The following IL1RAP variants were observed in gnomAD, a reference collection of about 807,000 sequenced individuals.
The protein encoded by IL1RAP is interleukin-1 receptor accessory protein.
IL1RAP carries 35 observed loss-of-function variants against 60.7 expected under a neutral mutation model. The ratio of observed to expected loss-of-function variants is 0.58; its 90% confidence interval spans 0.44 to 0.76. IL1RAP has a LOEUF of 0.76. IL1RAP is among the 30% of genes least tolerant of loss of function. IL1RAP has a pLI of 0.00. For missense variants in IL1RAP, 572 were observed against 693.9 expected, an observed-to-expected ratio of 0.82 and a Z score of 1.97; for synonymous variants, 268 against 250.9, an observed-to-expected ratio of 1.07 and a Z score of -0.64.
intron 4 of IL1RAP, among the ~76,000 whole-genome samples, chr3:190,607,570 G>T (rs546399947): frequency 1.3e-5 from 2 of 151,954 alleles, no homozygotes; most frequent in Admixed American, 1.3e-4. Flanking sequence ...ATAAATGACA[G>T]ATCAAATTTA....
chr3:190,629,440 CT>C lies in IL1RAP; in HGVS notation c.994del (p.Cys332ValfsTer16). 6.2e-7 allele frequency: 1 copy of C among 1,613,746 alleles called. No homozygotes were observed. The highest frequency in any genetic ancestry group is 8.5e-7 in the Non-Finnish European group (1 of 1,179,814). ...TSEDLKRSYVCHARSAKGEVA... is the reference protein window; with the variant it reads ...TSEDLKRSYVXHARSAKGEVA... ...CTGAGGATCTCAAGCGCAGCTATGT[CT>C]GTCATGCTAGAAGTGCCAAAGGCGA... On this transcript the variant is annotated frameshift_variant, in exon 9 of 12. Coordinates refer to ENST00000447382, the MANE Select transcript of IL1RAP (RefSeq NM_002182.4). LOFTEE classifies it high-confidence loss of function.
Position 190,637,230 on chromosome 3 carries a change from CT to C in IL1RAP, c.1052-7017del, listed in dbSNP as rs1733297145. 5.3e-5 allele frequency among the ~76,000 whole-genome samples: 8 copies of C among 152,240 alleles called. No homozygotes were observed. The South Asian group carries it at 1.7e-3, about 32-fold the overall frequency. ...ATTTGCTTATTTTTTATTTCTGACA[CT>C]ATCCATTCTTGGTAACATTTTAATC... On this transcript the variant is annotated intron_variant, in intron 9 of 11. Transcript: ENST00000447382.
chr3:190,574,993 G>GT (rs3836446), intron 3 of IL1RAP, among the ~76,000 whole-genome samples: 33,038 of 151,590 alleles, frequency 0.22, 3,689 homozygotes, highest in East Asian at 0.34. Flanking sequence ...AGGGAAATGA[G>GT]TTTTTTTTTA....
At chr3:190,546,883 A>T (rs1330884214) in intron 1 of IL1RAP, among the ~76,000 whole-genome samples, 1 of 152,224 alleles carries the variant, frequency 6.6e-6, no homozygotes, top group Non-Finnish European at 1.5e-5. Flanking sequence ...ATCCAGTTAC[A>T]CGAAATAGCT....
chr3:190,515,514 CT>C (rs1462581785), intron 1 of IL1RAP, among the ~76,000 whole-genome samples: 1 of 151,490 alleles, frequency 6.6e-6, no homozygotes, highest in Non-Finnish European at 1.5e-5. Context: ...TTGAGCAACT[CT>C]TTTATAATAA....
At chr3:190,639,393 T>G (rs1733480492) in intron 9 of IL1RAP, among the ~76,000 whole-genome samples, 2 of 152,224 alleles carry the variant, frequency 1.3e-5, no homozygotes, top group Non-Finnish European at 2.9e-5. Context: ...ATTTTCTTTG[T>G]GATGTCTAAT....
chr3:190,589,249 A>C (rs1374870124), intron 3 of IL1RAP, among the ~76,000 whole-genome samples: 3 of 152,154 alleles, frequency 2.0e-5, no homozygotes, highest in Non-Finnish European at 4.4e-5. Flanking sequence ...TCTCTAGGTG[A>C]GTGACCACTA....
At chr3:190,550,816 G>A (rs1724797565) in intron 1 of IL1RAP, among the ~76,000 whole-genome samples, 1 of 152,170 alleles carries the variant, frequency 6.6e-6, no homozygotes, top group Non-Finnish European at 1.5e-5. Flanking sequence ...TAATGACAAA[G>A]GTGTGAGAAG....
At chr3:190,538,123 C>T (rs1406326141) in intron 1 of IL1RAP, among the ~76,000 whole-genome samples, 1 of 152,148 alleles carries the variant, frequency 6.6e-6, no homozygotes, top group African/African-American at 2.4e-5. Flanking sequence ...CATGAACCCT[C>T]CCTACCACTA....
intron 1 of IL1RAP, among the ~76,000 whole-genome samples, chr3:190,519,572 A>G (rs535125576): frequency 1.3e-5 from 2 of 152,028 alleles, no homozygotes; most frequent in East Asian, 3.9e-4. Flanking sequence ...TTGGAAACTC[A>G]TATAACCAGA....
At chr3:190,545,078 G>A (rs148887448) in intron 1 of IL1RAP, among the ~76,000 whole-genome samples, 238 of 152,262 alleles carry the variant, frequency 1.6e-3, no homozygotes, top group African/African-American at 5.5e-3. Context: ...CAGGATTTAC[G>A]TGAATATTTT....
chr3:190,651,238 G>A lies in IL1RAP; in HGVS notation c.*2533G>A, dbSNP rs540115365. The A allele has an allele frequency of 3.1e-6, 3 of 977,096 alleles. No homozygotes were observed. Among genetic ancestry groups the A allele is most frequent in the East Asian group, 2.3e-4 (2 of 8,776 alleles). The allele number at this position is 977,096 out of a possible 1,614,324, so 60.5% of individuals were successfully genotyped here. A position where few individuals can be genotyped will look rare whatever the true frequency, so the allele number is the denominator to read the frequency against. ...TCCATGCCCAGGTTAACAAAGAACT[G>A]TGATATATAGAGTGTCTAATTACAA... On this transcript the variant is annotated 3_prime_UTR_variant, in exon 12 of 12. Coordinates refer to ENST00000447382, the MANE Select transcript of IL1RAP (RefSeq NM_002182.4).
chr3:190,637,773 A>AC (rs1214578471), intron 9 of IL1RAP, among the ~76,000 whole-genome samples: 2 of 151,560 alleles, frequency 1.3e-5, no homozygotes, highest in Non-Finnish European at 2.9e-5. Flanking sequence ...AATCCTTTCT[A>AC]CCCCCACCTT....
intron 9 of IL1RAP, among the ~76,000 whole-genome samples, chr3:190,634,286 A>AT (rs1178679157): frequency 0.059 from 7,977 of 135,120 alleles, 347 homozygotes; most frequent in African/African-American, 0.12. Flanking sequence ...CATGTTAAGA[A>AT]TTTTTTTTTT....
chr3:190,646,713 C>G (rs571560445), intron 11 of IL1RAP, among the ~76,000 whole-genome samples: 15 of 152,136 alleles, frequency 9.9e-5, no homozygotes, highest in Non-Finnish European at 1.8e-4. Context: ...TTTTACTCCT[C>G]TAAAATCCTG....
At chr3:190,601,609 A>G (rs1339441518) in intron 3 of IL1RAP, among the ~76,000 whole-genome samples, 2 of 152,022 alleles carry the variant, frequency 1.3e-5, no homozygotes, top group Non-Finnish European at 2.9e-5. Context: ...ATGACAAGTG[A>G]GTTGTTTTGC....
chr3:190,613,181 A>C (rs1308528412), intron 5 of IL1RAP, among the ~76,000 whole-genome samples: 1 of 82,418 alleles, frequency 1.2e-5, no homozygotes, highest in African/African-American at 3.5e-5. Flanking sequence ...GGGCAAAGCT[A>C]TGTAATGTCT....
At chr3:190,597,987 C>A (rs1030533580) in intron 3 of IL1RAP, among the ~76,000 whole-genome samples, 13 of 152,140 alleles carry the variant, frequency 8.5e-5, no homozygotes, top group Non-Finnish European at 1.6e-4. Context: ...TGTTAAACCC[C>A]AGCAGGCCTT....
intron 3 of IL1RAP, among the ~76,000 whole-genome samples, chr3:190,581,493 A>T (rs972294897): frequency 1.3e-5 from 2 of 152,240 alleles, no homozygotes; most frequent in African/African-American, 4.8e-5. Context: ...GTGCTTGCCG[A>T]CAAGAATCCG....
Sources: gnomAD v4.1 joint callset for allele counts (sites outside exome capture counted in the v4.1 genomes callset) on GRCh38, gnomAD v4.1.1 for gene constraint, MANE v1.5 for transcripts, NCBI Gene and HGNC (gene_info 2026-07-23, HGNC 2026-07-21) for gene names.